The following ANO3 variants were observed in gnomAD, a reference collection of about 807,000 sequenced individuals.
ANO3 encodes the protein anoctamin 3.
A neutral mutation model predicts 144.8 loss-of-function variants in ANO3; 99 were observed. That is an observed-to-expected ratio of 0.68 (90% CI 0.58 to 0.81). The LOEUF (loss-of-function observed/expected upper bound fraction) is 0.81. Among genes scored for constraint, ANO3 ranks in the 30% least tolerant of loss-of-function variants. The pLI is 0.00. For synonymous variants in ANO3, 414 were observed against 392.6 expected (o/e 1.05, Z -0.64); for missense variants, 905 against 1,202.2 (o/e 0.75, Z 3.66).
intron 8 of ANO3, among the ~76,000 whole-genome samples, chr11:26,532,049 G>T (rs1388120787): frequency 6.6e-6 from 1 of 152,196 alleles, no homozygotes; most frequent in East Asian, 1.9e-4. Flanking sequence ...AAGGACTATA[G>T]CTATAGGGCC....
chr11:26,581,586 G>A (rs960600052), intron 14 of ANO3, among the ~76,000 whole-genome samples: 4 of 151,472 alleles, frequency 2.6e-5, no homozygotes, highest in Non-Finnish European at 5.9e-5. Flanking sequence ...CTATGTGGGA[G>A]GCTGAGGCAG....
chr11:26,606,911 T>C (rs1365257716), intron 17 of ANO3, among the ~76,000 whole-genome samples: 1 of 152,214 alleles, frequency 6.6e-6, no homozygotes, highest in Non-Finnish European at 1.5e-5. Context: ...TAGTACCAGC[T>C]TTTCCTTTCC....
chr11:26,275,646 A>G (rs889517994), intron 1 of ANO3, among the ~76,000 whole-genome samples: 2 of 152,120 alleles, frequency 1.3e-5, no homozygotes, highest in Non-Finnish European at 2.9e-5. Context: ...GTCAGAGGTT[A>G]GCTTTTCACC....
chr11:26,407,076 G>GTATATATATATATATA (rs374806519), intron 1 of ANO3, among the ~76,000 whole-genome samples: 25 of 101,462 alleles, frequency 2.5e-4, no homozygotes, highest in Admixed American at 4.0e-4. Flanking sequence ...GTGTGTGTGT[G>GTATATATATATATATA]TATATATATA....
At chr11:26,637,453 C>T (rs1034387714) in intron 20 of ANO3, among the ~76,000 whole-genome samples, 6 of 152,100 alleles carry the variant, frequency 3.9e-5, no homozygotes, top group African/African-American at 1.4e-4. Context: ...TCCACAGCAC[C>T]AGTCAACACT....
At chr11:26,577,564 C>CAAAAAA in intron 14 of ANO3, among the ~76,000 whole-genome samples, 1 of 129,820 alleles carries the variant, frequency 7.7e-6, no homozygotes, top group Non-Finnish European at 1.6e-5. Flanking sequence ...GACTCCGTCT[C>CAAAAAA]AAAAAAAAAA....
upstream of ANO3, among the ~76,000 whole-genome samples, chr11:26,329,775 A>T (rs937530978): frequency 6.6e-6 from 1 of 151,864 alleles, no homozygotes; most frequent in African/African-American, 2.4e-5. Flanking sequence ...GGTAAAGGTG[A>T]TACCTGTGCC....
At chr11:26,192,946 T>C (rs544950409) in intron 1 of ANO3, among the ~76,000 whole-genome samples, 2 of 152,090 alleles carry the variant, frequency 1.3e-5, no homozygotes, top group Non-Finnish European at 2.9e-5. Context: ...AAGTTCTGGA[T>C]ACATGTGCAG....
At chr11:26,486,881 G>A (rs1860472578) in intron 4 of ANO3, among the ~76,000 whole-genome samples, 1 of 152,172 alleles carries the variant, frequency 6.6e-6, no homozygotes, top group African/African-American at 2.4e-5. Flanking sequence ...AGGAATGGAG[G>A]CTTTTAGAGG....
chr11:26,241,123 A>C (rs943981660), intron 1 of ANO3, among the ~76,000 whole-genome samples: 3 of 151,990 alleles, frequency 2.0e-5, no homozygotes, highest in Admixed American at 2.0e-4. Flanking sequence ...TTCCCTGCAC[A>C]AGCTCTCTCT....
chr11:26,287,901 C>A (rs1423592942), intron 1 of ANO3: 1 of 152,160 alleles, frequency 6.6e-6, no homozygotes, highest in African/African-American at 2.4e-5. Context: ...TTCTAAGTTC[C>A]TCTTCTCTTG....
At chr11:26,536,330 A>AAAAC (rs1849509520) in intron 9 of ANO3, among the ~76,000 whole-genome samples, 3 of 151,996 alleles carry the variant, frequency 2.0e-5, no homozygotes, top group Middle Eastern at 6.8e-3. Context: ...AAAAAAAAAA[A>AAAAC]AAAGAAAGAA....
At chr11:26,558,713 C>T (rs568595915) in intron 13 of ANO3, among the ~76,000 whole-genome samples, 1 of 152,212 alleles carries the variant, frequency 6.6e-6, no homozygotes, top group Admixed American at 6.5e-5. Flanking sequence ...TGATGACTTG[C>T]TTTACATATA....
At chr11:26,539,036 G>A (rs1208916658) in intron 10 of ANO3, among the ~76,000 whole-genome samples, 2 of 151,732 alleles carry the variant, frequency 1.3e-5, no homozygotes, top group Non-Finnish European at 2.9e-5. Flanking sequence ...GTCGAGGTTT[G>A]TTTTTTACTT....
intron 1 of ANO3, among the ~76,000 whole-genome samples, chr11:26,388,190 C>A (rs1032433973): frequency 1.3e-5 from 2 of 150,800 alleles, no homozygotes; most frequent in African/African-American, 4.9e-5. Context: ...TATTTATGGT[C>A]TATTATGTCC....
At chr11:26,257,882 GAAATT>G (rs1361436397) in intron 1 of ANO3, among the ~76,000 whole-genome samples, 1 of 152,032 alleles carries the variant, frequency 6.6e-6, no homozygotes, top group African/African-American at 2.4e-5. Context: ...GTTTACTAAT[GAAATT>G]AAAGTTGATT....
chr11:26,522,079 G>C (rs1035057565), intron 6 of ANO3, among the ~76,000 whole-genome samples: 1 of 151,962 alleles, frequency 6.6e-6, no homozygotes, highest in Non-Finnish European at 1.5e-5. Flanking sequence ...AGCTACTCGG[G>C]AGGCTGAGGC....
chr11:26,442,666 C>T (rs1263746227), intron 2 of ANO3, among the ~76,000 whole-genome samples: 1 of 152,154 alleles, frequency 6.6e-6, no homozygotes, highest in Non-Finnish European at 1.5e-5. Context: ...CACACATTTG[C>T]CCACTAAGAC....
At chr11:26,522,041 G>T (rs1163915162) in intron 6 of ANO3, among the ~76,000 whole-genome samples, 1 of 152,070 alleles carries the variant, frequency 6.6e-6, no homozygotes, top group Non-Finnish European at 1.5e-5. Context: ...AAAATTAGCC[G>T]GGGGTAGTGG....
Sources: allele counts gnomAD v4.1 joint callset (sites outside exome capture counted in the v4.1 genomes callset), GRCh38; gene constraint gnomAD v4.1.1; transcripts MANE v1.5; gene names NCBI Gene and HGNC (gene_info 2026-07-23, HGNC 2026-07-21).